Variants in FGF12 observed in about 807,000 individuals in gnomAD.
FGF12 encodes the protein fibroblast growth factor 12, also known as fibroblast growth factor 12B.
Under a neutral mutation model 23.6 loss-of-function variants are expected in FGF12, and 14 were observed. That is an observed-to-expected ratio of 0.59 (90% CI 0.39 to 0.93). FGF12 has a LOEUF of 0.93. FGF12 is among the 40% of genes least tolerant of loss of function. FGF12 has a pLI of 0.00. For synonymous variants in FGF12, 62 were observed against 77.3 expected (o/e 0.80, Z 1.04); for missense variants, 175 against 217.8 (o/e 0.80, Z 1.24).
intron 4 of FGF12, among the ~76,000 whole-genome samples, chr3:192,174,884 C>T (rs1319729611): frequency 1.3e-5 from 2 of 152,134 alleles, no homozygotes; most frequent in Admixed American, 1.3e-4. Flanking sequence ...CATATGGACA[C>T]ATGTTTTAAA....
chr3:192,144,026 T>G lies in FGF12; in HGVS notation c.529A>C (p.Asn177His). 1.2e-6 allele frequency: 2 copies of G among 1,609,954 alleles called. No individual in the cohort carries two copies. The highest frequency in any genetic ancestry group is 1.7e-6 in the Non-Finnish European group (2 of 1,176,292). The change falls in exon 6 of 6, where the codon AAT (asparagine) becomes CAT (histidine). Residue 177 changes from asparagine (N) to histidine (H), a missense_variant. Coordinates refer to ENST00000445105, the MANE Select transcript of FGF12 (RefSeq NM_004113.6). The stretch of plus-strand genomic sequence containing the variant: ...GTTCTCAGCTATGTTGAATCTTGAT[T>G]CACAACTTTGCCTCCATTCATGGTT... ...TPTMNGGKVV[N>H]QDST is the part of the protein sequence containing the mutation.
At chr3:192,528,618 A>G (rs567350900) in intron 2 of FGF12, among the ~76,000 whole-genome samples, 1 of 152,252 alleles carries the variant, frequency 6.6e-6, no homozygotes, top group South Asian at 2.1e-4. Context: ...TTTCCCTTCC[A>G]CACTGCCCTA....
At chr3:192,501,282 T>C (rs191511705) in intron 2 of FGF12, among the ~76,000 whole-genome samples, 1 of 152,300 alleles carries the variant, frequency 6.6e-6, no homozygotes, top group East Asian at 1.9e-4. Context: ...ATTTAACTTC[T>C]TCATTTAAAA....
At chr3:192,529,298 TCTTTGCTAACACATAACAAGAGAC>T (rs1484597237) in intron 2 of FGF12, among the ~76,000 whole-genome samples, 1 of 152,212 alleles carries the variant, frequency 6.6e-6, no homozygotes, top group Non-Finnish European at 1.5e-5. Context: ...GCCACCAGTC[TCTTTGCTAACACATAACAAGAGAC>T]CTTTGCTCCA....
At chr3:192,187,916 T>C (rs763746523) in intron 4 of FGF12, among the ~76,000 whole-genome samples, 1 of 151,958 alleles carries the variant, frequency 6.6e-6, no homozygotes, top group Non-Finnish European at 1.5e-5. Flanking sequence ...GGTTACCATA[T>C]CACGGAAATA....
intron 2 of FGF12, among the ~76,000 whole-genome samples, chr3:192,641,553 C>T (rs1295600380): frequency 6.6e-6 from 1 of 151,478 alleles, no homozygotes; most frequent in Admixed American, 6.6e-5. Context: ...TACAGGCATG[C>T]ACCACCATGC....
chr3:192,584,767 C>G (rs918206072), intron 2 of FGF12, among the ~76,000 whole-genome samples: 1 of 152,024 alleles, frequency 6.6e-6, no homozygotes, highest in African/African-American at 2.4e-5. Context: ...TTTCTCTGCT[C>G]TCTCTGCTTG....
chr3:192,452,058 G>T (rs931163249), intron 2 of FGF12, among the ~76,000 whole-genome samples: 1 of 152,046 alleles, frequency 6.6e-6, no homozygotes, highest in Non-Finnish European at 1.5e-5. Flanking sequence ...TAATGAAAAT[G>T]GATATCTTTG....
intron 4 of FGF12, among the ~76,000 whole-genome samples, chr3:192,265,991 C>T (rs1006968276): frequency 6.6e-6 from 1 of 152,124 alleles, no homozygotes; most frequent in Non-Finnish European, 1.5e-5. Context: ...GGAAAGAATT[C>T]ATTTAGCAGA....
intron 2 of FGF12, among the ~76,000 whole-genome samples, chr3:192,464,308 C>T (rs61118845): frequency 0.11 from 16,454 of 151,360 alleles, 2,943 homozygotes; most frequent in African/African-American, 0.37. Context: ...TCCCCTTGAG[C>T]CTCCAAAGTC....
intron 2 of FGF12, among the ~76,000 whole-genome samples, chr3:192,464,094 C>T (rs555149975): frequency 6.6e-6 from 1 of 152,300 alleles, no homozygotes; most frequent in East Asian, 1.9e-4. Flanking sequence ...AATTACACTG[C>T]TCAGGGTGGG....
At chr3:192,346,844 C>T (rs1032469728) in intron 3 of FGF12, among the ~76,000 whole-genome samples, 1 of 152,030 alleles carries the variant, frequency 6.6e-6, no homozygotes, top group African/African-American at 2.4e-5. Context: ...ACTTGAGGGC[C>T]TCCTTTTATA....
intron 2 of FGF12, among the ~76,000 whole-genome samples, chr3:192,655,481 T>C (rs183839980): frequency 3.4e-4 from 52 of 152,254 alleles, no homozygotes; most frequent in Middle Eastern, 6.8e-3. Context: ...AATAGAAGGA[T>C]TGAGAAAAAC....
chr3:192,398,465 A>T (rs1720622024), intron 2 of FGF12, among the ~76,000 whole-genome samples: 1 of 150,680 alleles, frequency 6.6e-6, no homozygotes, highest in Non-Finnish European at 1.5e-5. Context: ...GGCACACTGC[A>T]ACCTACACCT....
intron 2 of FGF12, among the ~76,000 whole-genome samples, chr3:192,653,939 T>C (rs534210805): frequency 1.3e-5 from 2 of 152,170 alleles, no homozygotes; most frequent in Non-Finnish European, 2.9e-5. Flanking sequence ...TTGGTCTGGC[T>C]GGTCTAGAAC....
At chr3:192,470,399 A>T (rs143761778) in intron 2 of FGF12, among the ~76,000 whole-genome samples, 1 of 151,780 alleles carries the variant, frequency 6.6e-6, no homozygotes, top group Non-Finnish European at 1.5e-5. Flanking sequence ...TTGTTGTTGT[A>T]GTTGTTGAGA....
intron 4 of FGF12, among the ~76,000 whole-genome samples, chr3:192,320,551 T>C (rs574696429): frequency 1.3e-5 from 2 of 152,286 alleles, no homozygotes; most frequent in Non-Finnish European, 2.9e-5. Flanking sequence ...ATAGACCATA[T>C]GCTAGGTCAC....
rs186080096 is a variant in FGF12, at chr3:192,320,204, T to A, written c.228+15157A>T. ...GAAAAGAGGAGTAGCTCTACATAGA[T>A]CAGACAAAATAGATTTCAAGACAAA... is the stretch of plus-strand genomic sequence containing the variant. On this transcript the variant is annotated intron_variant, in intron 4 of 5. Transcript: ENST00000445105. Among the ~76,000 whole-genome samples, 582 of 151,878 alleles carry A rather than the reference T, an allele frequency of 3.8e-3. 7 individuals are homozygous for A. The highest frequency in any genetic ancestry group is 0.013 in the African/African-American group (555 of 41,412).
intron 4 of FGF12, among the ~76,000 whole-genome samples, chr3:192,242,015 G>C (rs1035726525): frequency 1.1e-4 from 17 of 152,098 alleles, no homozygotes; most frequent in Non-Finnish European, 1.5e-5. Flanking sequence ...AGCTGAGGCA[G>C]TGTTCAGAAA....
Sources: gnomAD v4.1 joint callset for allele counts (sites outside exome capture counted in the v4.1 genomes callset) on GRCh38, gnomAD v4.1.1 for gene constraint, MANE v1.5 for transcripts, NCBI Gene and HGNC (gene_info 2026-07-23, HGNC 2026-07-21) for gene names.